Variants in DLG2 observed in about 807,000 individuals in gnomAD.
DLG2 encodes the protein discs large MAGUK scaffold protein 2, also known as disks large homolog 2.
DLG2 carries 45 observed loss-of-function variants against 132.5 expected under a neutral mutation model. The ratio of observed to expected loss-of-function variants is 0.34; its 90% confidence interval spans 0.27 to 0.44. The LOEUF is 0.44. Among genes scored for constraint, DLG2 ranks in the 20% least tolerant of loss-of-function variants. DLG2 has a pLI of 1.00. For synonymous variants in DLG2, 424 were observed against 419.6 expected, an observed-to-expected ratio of 1.01 and a Z score of -0.13; for missense variants, 1,045 against 1,196.9, an observed-to-expected ratio of 0.87 and a Z score of 1.87.
intron 4 of DLG2, among the ~76,000 whole-genome samples, chr11:85,201,889 A>G (rs552588609): frequency 6.6e-6 from 1 of 152,212 alleles, no homozygotes; most frequent in Non-Finnish European, 1.5e-5. Context: ...GAAATGTAAC[A>G]GATAAATCAA....
chr11:85,163,840 C>A (rs943471418), intron 4 of DLG2, among the ~76,000 whole-genome samples: 1 of 152,174 alleles, frequency 6.6e-6, no homozygotes, highest in African/African-American at 2.4e-5. Context: ...TACCCTCCTA[C>A]ATTCTTTGGC....
chr11:85,127,758 C>G (rs2075298336), intron 5 of DLG2, among the ~76,000 whole-genome samples: 1 of 152,200 alleles, frequency 6.6e-6, no homozygotes, highest in African/African-American at 2.4e-5. Flanking sequence ...TTCATTTTCT[C>G]TACATGAAGC....
At chr11:83,586,292 A>G (rs2097084828) in intron 19 of DLG2, among the ~76,000 whole-genome samples, 1 of 152,224 alleles carries the variant, frequency 6.6e-6, no homozygotes, top group African/African-American at 2.4e-5. Flanking sequence ...ACATAGGGAG[A>G]ATCTTTTTGT....
chr11:83,618,663 T>C (rs1694962361), intron 19 of DLG2, among the ~76,000 whole-genome samples: 1 of 152,204 alleles, frequency 6.6e-6, no homozygotes, highest in African/African-American at 2.4e-5. Flanking sequence ...TGGCCTACTC[T>C]ACTCTGCTGT....
At chr11:83,846,237 A>C (rs1239491587) in intron 16 of DLG2, among the ~76,000 whole-genome samples, 3 of 152,188 alleles carry the variant, frequency 2.0e-5, no homozygotes, top group Non-Finnish European at 2.9e-5. Flanking sequence ...ATGTATTTGG[A>C]GAATAGTGAG....
chr11:84,547,063 T>A (rs960082529), intron 6 of DLG2, among the ~76,000 whole-genome samples: 3 of 152,164 alleles, frequency 2.0e-5, no homozygotes, highest in African/African-American at 7.2e-5. Context: ...GACATGGTAA[T>A]CTTATCTGCA....
intron 4 of DLG2, among the ~76,000 whole-genome samples, chr11:85,165,829 G>A (rs973195326): frequency 6.6e-6 from 1 of 152,120 alleles, no homozygotes; most frequent in African/African-American, 2.4e-5. Flanking sequence ...TGCAACCTCT[G>A]TATTAATCCT....
At chr11:83,494,286 TGAATA>T (rs1308194735) in intron 21 of DLG2, among the ~76,000 whole-genome samples, 1 of 151,264 alleles carries the variant, frequency 6.6e-6, no homozygotes, top group Non-Finnish European at 1.5e-5. Flanking sequence ...AAAACAGTAT[TGAATA>T]GAAGTTTCAT....
chr11:85,218,801 A>C (rs1261705758), intron 4 of DLG2, among the ~76,000 whole-genome samples: 2 of 152,194 alleles, frequency 1.3e-5, no homozygotes, highest in Non-Finnish European at 2.9e-5. Context: ...AATAGCAAAA[A>C]TACGAAATCA....
chr11:84,252,275 C>T (rs1406567018), intron 7 of DLG2, among the ~76,000 whole-genome samples: 7 of 150,968 alleles, frequency 4.6e-5, no homozygotes, highest in African/African-American at 1.7e-4. Flanking sequence ...CTCATCCTCC[C>T]GAGTAGCTGG....
intron 6 of DLG2, among the ~76,000 whole-genome samples, chr11:84,667,831 T>C (rs181236399): frequency 2.8e-4 from 42 of 152,178 alleles, no homozygotes; most frequent in African/African-American, 9.4e-4. Context: ...CTAGGTTCCA[T>C]TGCAAAAATT....
At chr11:83,717,516 G>T (rs1005238180) in intron 18 of DLG2, among the ~76,000 whole-genome samples, 4 of 152,182 alleles carry the variant, frequency 2.6e-5, no homozygotes, top group African/African-American at 9.7e-5. Context: ...TGGGAAATGA[G>T]TAGAGAGGGG....
chr11:85,517,811 C>T (rs11234356), intron 3 of DLG2, among the ~76,000 whole-genome samples: 4 of 152,050 alleles, frequency 2.6e-5, no homozygotes, highest in African/African-American at 7.2e-5. Context: ...TGAATTCCCA[C>T]GTGTTGTGGG....
chr11:85,419,810 T>C (rs531345146), intron 3 of DLG2, among the ~76,000 whole-genome samples: 3 of 152,220 alleles, frequency 2.0e-5, no homozygotes, highest in Admixed American at 6.5e-5. Context: ...TCTCAACTGG[T>C]TATTCTAGTT....
intron 6 of DLG2, among the ~76,000 whole-genome samples, chr11:84,847,576 T>C (rs1266933235): frequency 6.6e-6 from 1 of 152,150 alleles, no homozygotes; most frequent in Non-Finnish European, 1.5e-5. Context: ...AAGAAAACCA[T>C]TTCTTCTTCA....
chr11:85,499,876 G>T (rs376485324), intron 3 of DLG2, among the ~76,000 whole-genome samples: 3 of 152,146 alleles, frequency 2.0e-5, no homozygotes, highest in East Asian at 1.9e-4. Context: ...TGCAGAAAAG[G>T]CCTCTGACAA....
chr11:84,497,911 G>A (rs1029175063), intron 7 of DLG2, among the ~76,000 whole-genome samples: 8 of 152,144 alleles, frequency 5.3e-5, no homozygotes, highest in Admixed American at 1.3e-4. Flanking sequence ...TTGAGCTATG[G>A]CTTGTAACCA....
At chr11:84,327,058 C>A (rs1384724192) in intron 7 of DLG2, among the ~76,000 whole-genome samples, 1 of 151,418 alleles carries the variant, frequency 6.6e-6, no homozygotes, top group Non-Finnish European at 1.5e-5. Context: ...AGACTTTCAG[C>A]CAATGTATGT....
Position 84,600,871 on chromosome 11 carries a change from C to T in DLG2, c.358-66140G>A, listed in dbSNP as rs1217642697. 4.6e-5 allele frequency among the ~76,000 whole-genome samples: 7 copies of T among 152,278 alleles called. No homozygotes were observed. The East Asian group carries it at 1.2e-3, about 25-fold the overall frequency. ...AATAATTGCCTTTTACAACTTATCC[C>T]TCAAAACTGGTACATGGTAGGTGTC... On this transcript the variant is annotated intron_variant, in intron 6 of 27. Coordinates refer to ENST00000376104, the MANE Select transcript of DLG2 (RefSeq NM_001142699.3).
Sources: gnomAD v4.1 joint callset for allele counts (sites outside exome capture counted in the v4.1 genomes callset) on GRCh38, gnomAD v4.1.1 for gene constraint, MANE v1.5 for transcripts, NCBI Gene and HGNC (gene_info 2026-07-23, HGNC 2026-07-21) for gene names.